CBLIF: variants seen among roughly 807,000 people sequenced by gnomAD.
The protein encoded by CBLIF is gastric intrinsic factor (vitamin B synthesis).
A neutral mutation model predicts 44.9 loss-of-function variants in CBLIF; 24 were observed. That is an observed-to-expected ratio of 0.53 (90% confidence interval 0.39 to 0.75). The LOEUF (loss-of-function observed/expected upper bound fraction) is 0.75. Ranked by LOEUF, CBLIF falls within the 30% of genes least tolerant of loss-of-function variation. The pLI is 0.00. For missense variants in CBLIF, 481 were observed against 513.0 expected (o/e 0.94, Z 0.60); for synonymous variants, 183 against 190.9 (o/e 0.96, Z 0.34).
chr11:59,843,290 A>G, intron 2 of CBLIF, 149 bp from the exon 3 acceptor site: 3 of 669,962 alleles, frequency 4.5e-6, no homozygotes, highest in Non-Finnish European at 2.7e-6. Context: ...CCAAAGAAAA[A>G]AATATGGAAG....
intron 5 of CBLIF, 106 bp from the exon 6 acceptor site, chr11:59,837,457 G>A (rs528450918): frequency 9.4e-6 from 8 of 855,310 alleles, no homozygotes; most frequent in South Asian, 5.6e-5. Context: ...TGGTGATCAC[G>A]TAGTCACCCA....
chr11:59,842,440 C>T lies in CBLIF; in HGVS notation c.511+3G>A. On this transcript the variant is annotated splice_donor_region_variant and intron_variant, in intron 4 of 8. Coordinates refer to ENST00000257248, the MANE Select transcript of CBLIF (RefSeq NM_005142.3). ...CAGCTCGGGGTAGTGGTGACCTACT[C>T]ACCTACATTGAAGGGAGAGGAGTTG... is the stretch of plus-strand genomic sequence containing the variant. The T allele has an allele frequency of 1.2e-6, 2 of 1,613,588 alleles. No individual in the cohort carries two copies. The highest frequency in any genetic ancestry group is 3.3e-5 in the Admixed American group (2 of 60,018).
chr11:59,842,948 C>G (rs1487489983), intron 3 of CBLIF, 80 bp downstream of exon 3: 1 of 889,218 alleles, frequency 1.1e-6, no homozygotes, highest in African/African-American at 1.6e-5. Flanking sequence ...TCTCCACCCC[C>G]ACCCTTTTCC....
intron 8 of CBLIF, 76 bp downstream of exon 8, chr11:59,831,602 A>C: frequency 5.3e-6 from 4 of 761,332 alleles, no homozygotes; most frequent in Non-Finnish European, 2.4e-6. Flanking sequence ...TGAATGAATA[A>C]ATTAAATGAA....
chr11:59,838,011 G>A (rs1056981530), intron 5 of CBLIF, among the ~76,000 whole-genome samples: 2 of 152,110 alleles, frequency 1.3e-5, no homozygotes, highest in African/African-American at 4.8e-5. Flanking sequence ...CTTTGAAGAA[G>A]CCCTGCAGCA....
rs762043241 is a variant in CBLIF at position 59,829,513 on chromosome 11, G to T, written c.1225C>A (p.His409Asn). The T allele has an allele frequency of 2.5e-6, 4 of 1,611,296 alleles. No individual in the cohort carries two copies. The African/African-American group carries it at 4.0e-5, about 16-fold the overall frequency. The part of the protein sequence containing the change: ...VADYIPFNHE[H>N]ITANFTQY The stretch of plus-strand genomic sequence containing the variant: ...TACTGTGTGAAATTGGCTGTGATGT[G>T]CTCGTGGTTGAAGGGTATGTAGTCA... The change falls in exon 9 of 9, where the codon CAC becomes AAC. Residue 409 changes from histidine to asparagine, a missense_variant. By Grantham distance (68) the His-to-Asn change is moderately conservative. Transcript: ENST00000257248.
In CBLIF at chr11:59,845,465, G is replaced by A. The variant is rs751136081; in HGVS notation, c.-12C>T. The A allele has an allele frequency of 1.7e-5, 27 of 1,575,914 alleles. No homozygotes were observed. Among genetic ancestry groups the A allele is most frequent in the Admixed American group, 6.7e-5 (4 of 59,936 alleles). ...GCAAACCAGGCCATCTCACTCTCTC[G>A]TCTATGTCTCTCATCCACAGGTACC... is the stretch of plus-strand genomic sequence containing the variant. On this transcript the variant is annotated 5_prime_UTR_variant, in exon 1 of 9. It adds an upstream start codon to the 5' untranslated region. Transcript: ENST00000257248.
At chr11:59,835,748 A>G (rs1866446997) in intron 7 of CBLIF, 60 bp downstream of exon 7, 3 of 1,337,338 alleles carry the variant, frequency 2.2e-6, no homozygotes, top group African/African-American at 2.9e-5. Context: ...CAGGATGGAT[A>G]AAAAATGGGA....
At chr11:59,833,442 G>A (rs561036523) in intron 7 of CBLIF, among the ~76,000 whole-genome samples, 3 of 152,050 alleles carry the variant, frequency 2.0e-5, no homozygotes, top group South Asian at 4.2e-4. Flanking sequence ...ACTTGAACCC[G>A]GGAGGTGGGG....
intron 7 of CBLIF, among the ~76,000 whole-genome samples, chr11:59,832,568 G>A (rs933168639): frequency 3.3e-5 from 5 of 152,030 alleles, no homozygotes; most frequent in African/African-American, 1.2e-4. Context: ...AGGGCAGATT[G>A]CTTGAGCCCA....
intron 7 of CBLIF, among the ~76,000 whole-genome samples, chr11:59,834,240 T>C (rs551058117): frequency 1.1e-3 from 129 of 115,190 alleles, no homozygotes; most frequent in African/African-American, 3.9e-3. Context: ...CTTTCTTTCT[T>C]TTTCTTTCTT....
At chr11:59,831,820 T>C (rs1866378997) in intron 7 of CBLIF, 24 bp from the exon 8 acceptor site, 7 of 1,064,244 alleles carry the variant, frequency 6.6e-6, no homozygotes, top group Non-Finnish European at 1.0e-5. Context: ...TATATATGAT[T>C]AACATCTCAC....
intron 8 of CBLIF, chr11:59,831,417 T>C (rs1000067116): frequency 5.7e-5 from 10 of 175,744 alleles, no homozygotes; most frequent in Non-Finnish European, 1.1e-4. Context: ...AAGACTTACT[T>C]TCCTTCTCTG....
chr11:59,836,982 T>C (rs181417520), intron 6 of CBLIF, among the ~76,000 whole-genome samples, 192 bp downstream of exon 6: 113 of 152,346 alleles, frequency 7.4e-4, no homozygotes, highest in Admixed American at 2.9e-3. Context: ...GAAGTAGATA[T>C]GGGGCTGAGT....
chr11:59,844,093 T>A, intron 1 of CBLIF, 38 bp from the exon 2 acceptor site: 1 of 1,466,422 alleles, frequency 6.8e-7, no homozygotes, highest in South Asian at 1.1e-5. Flanking sequence ...CTTCTAACCC[T>A]CATTCCTTCT....
At chr11:59,837,424 G>T in intron 5 of CBLIF, 73 bp from the exon 6 acceptor site, 1 of 1,089,744 alleles carries the variant, frequency 9.2e-7, no homozygotes, top group Non-Finnish European at 1.4e-6. Flanking sequence ...CATGTCTTAA[G>T]AGATAAACTT....
At chr11:59,836,107 T>C in intron 6 of CBLIF, 98 bp from the exon 7 acceptor site, 4 of 938,044 alleles carry the variant, frequency 4.3e-6, no homozygotes, top group Non-Finnish European at 7.1e-6. Context: ...GAAGACATTT[T>C]GAGAAAGTAG....
chr11:59,834,356 CTT>C (rs1347581032), intron 7 of CBLIF, among the ~76,000 whole-genome samples: 2 of 133,216 alleles, frequency 1.5e-5, no homozygotes, highest in Admixed American at 1.6e-4. Context: ...CTTTCTCTTT[CTT>C]TCTCTCTCTC....
chr11:59,837,154 A>C lies in CBLIF; in HGVS notation c.871+20T>G. On this transcript the variant is annotated intron_variant, in intron 6 of 8. Coordinates refer to ENST00000257248, the MANE Select transcript of CBLIF (RefSeq NM_005142.3). ...GCATAAGTTGCTGCTTTATGACATAAGGAGAGGTGGATGTCTTACCAGGAC... is the reference window on the plus strand; with the variant it reads ...GCATAAGTTGCTGCTTTATGACATACGGAGAGGTGGATGTCTTACCAGGAC... The C allele has an allele frequency of 6.3e-7, 1 of 1,592,178 alleles. No individual in the cohort carries two copies. The highest frequency in any genetic ancestry group is 8.6e-7 in the Non-Finnish European group (1 of 1,160,060).
Sources: gnomAD v4.1 joint callset for allele counts (sites outside exome capture counted in the v4.1 genomes callset) on GRCh38, gnomAD v4.1.1 for gene constraint, MANE v1.5 for transcripts, NCBI Gene and HGNC (gene_info 2026-07-23, HGNC 2026-07-21) for gene names.